NT5DC3: variants seen among roughly 807,000 people sequenced by gnomAD.
NT5DC3 encodes the protein 5'-nucleotidase domain containing 3.
NT5DC3 carries 42 observed loss-of-function variants against 67.8 expected under a neutral mutation model. That is an observed-to-expected ratio of 0.62 (90% CI 0.48 to 0.80). The LOEUF is 0.80. NT5DC3 is among the 30% of genes least tolerant of loss of function. The probability of loss-of-function intolerance (pLI) is 0.00; values close to 1 mark genes in which losing one functional copy is unlikely to be tolerated. For missense variants in NT5DC3, 570 were observed against 696.4 expected (o/e 0.82, Z 2.04); for synonymous variants, 237 against 255.6 (o/e 0.93, Z 0.69).
At chr12:103,809,802 T>C (rs1043511149) in intron 2 of NT5DC3, among the ~76,000 whole-genome samples, 11 of 152,122 alleles carry the variant, frequency 7.2e-5, no homozygotes, top group African/African-American at 2.7e-4. Context: ...ACCATATCAA[T>C]GATCTTGAAA....
At chr12:103,796,298 C>T (rs1337617999) in intron 6 of NT5DC3, among the ~76,000 whole-genome samples, 1 of 152,138 alleles carries the variant, frequency 6.6e-6, no homozygotes, top group Non-Finnish European at 1.5e-5. Context: ...GGGAGGATCA[C>T]TTGAGGTTAG....
Position 103,789,067 on chromosome 12 carries a change from G to A in NT5DC3, c.1020-148C>T, listed in dbSNP as rs1389960043. ...CAAAACTCCACCATCATATTCCCTG[G>A]CCTAATTCAATGCGTCCCAAATTGT... On this transcript the variant is annotated intron_variant, in intron 9 of 13. Coordinates refer to ENST00000392876, the MANE Select transcript of NT5DC3 (RefSeq NM_001031701.3). 11 of 633,560 alleles carry A rather than the reference G, an allele frequency of 1.7e-5. No individual in the cohort carries two copies. The Admixed American group carries it at 2.4e-4, about 14-fold the overall frequency. The allele number at this position is 633,560 out of a possible 1,614,324, so 39.2% of individuals were successfully genotyped here. A position where few individuals can be genotyped will look rare whatever the true frequency, so the allele number is the denominator to read the frequency against.
At chr12:103,791,127 G>T (rs1339045618) in intron 9 of NT5DC3, among the ~76,000 whole-genome samples, 2 of 152,258 alleles carry the variant, frequency 1.3e-5, no homozygotes, top group East Asian at 3.9e-4. Context: ...AATACAGATG[G>T]AGAATTATTC....
the NT5DC3 span, chr12:103,761,469 C>A: frequency 1.4e-6 from 2 of 1,451,774 alleles, no homozygotes; most frequent in Non-Finnish European, 1.9e-6. Flanking sequence ...CACTCACCAA[C>A]AGGCAAACCA....
At chr12:103,809,398 GCC>G (rs1400773569) in intron 2 of NT5DC3, among the ~76,000 whole-genome samples, 1 of 152,176 alleles carries the variant, frequency 6.6e-6, no homozygotes. Flanking sequence ...TTCTTGGGGA[GCC>G]ACTCCTGAGA....
At chr12:103,765,337 T>C in the NT5DC3 span, among the ~76,000 whole-genome samples, 1 of 152,262 alleles carries the variant, frequency 6.6e-6, no homozygotes, top group Admixed American at 6.5e-5. Context: ...AAACCTACTA[T>C]TCAGACTACA....
chr12:103,769,855 C>T (rs1348772585), downstream of NT5DC3, among the ~76,000 whole-genome samples: 1 of 152,212 alleles, frequency 6.6e-6, no homozygotes, highest in Admixed American at 6.5e-5. Context: ...GCTAGAATTA[C>T]CTTAGAAGAA....
At chr12:103,812,099 AAAAAATTTCCATTTTTGT>A (rs1887058409) in intron 2 of NT5DC3, among the ~76,000 whole-genome samples, 1 of 152,316 alleles carries the variant, frequency 6.6e-6, no homozygotes, top group Admixed American at 6.5e-5. Flanking sequence ...TCAATTTTTA[AAAAAATTTCCATTTTTGT>A]AAAAATTGCT....
chr12:103,822,320 A>T (rs192757512), intron 1 of NT5DC3, among the ~76,000 whole-genome samples: 114 of 152,306 alleles, frequency 7.5e-4, no homozygotes, highest in African/African-American at 2.5e-3. Flanking sequence ...TAGACCAAAA[A>T]ATTGAAAAGA....
chr12:103,750,845 C>T, the NT5DC3 span: 1 of 1,294,376 alleles, frequency 7.7e-7, no homozygotes, highest in Non-Finnish European at 1.0e-6. Context: ...AATCCCAATA[C>T]TTTGGGAGGC....
the NT5DC3 span, among the ~76,000 whole-genome samples, chr12:103,749,856 A>C: frequency 6.7e-6 from 1 of 148,252 alleles, no homozygotes; most frequent in African/African-American, 2.5e-5. Context: ...AAAAAAAAAA[A>C]AAAAAAAAAA....
chr12:103,766,444 G>T, downstream of NT5DC3: 1 of 1,289,570 alleles, frequency 7.8e-7, no homozygotes. Flanking sequence ...TAAGCACTCA[G>T]AAGCCATACC....
chr12:103,755,585 G>T, the NT5DC3 span: 1 of 1,613,620 alleles, frequency 6.2e-7, no homozygotes, highest in African/African-American at 1.3e-5. Flanking sequence ...TTACTTGTGT[G>T]GGACCCTGTG....
the NT5DC3 span, among the ~76,000 whole-genome samples, chr12:103,752,914 GA>G: frequency 6.6e-6 from 1 of 152,090 alleles, no homozygotes; most frequent in African/African-American, 2.4e-5. Flanking sequence ...ATTCTAGAAG[GA>G]AATGCACCAA....
the NT5DC3 span, among the ~76,000 whole-genome samples, chr12:103,752,237 C>T: frequency 6.6e-6 from 1 of 152,138 alleles, no homozygotes; most frequent in South Asian, 2.1e-4. Context: ...TATACATCTA[C>T]TCAAATTCAT....
chr12:103,835,833 C>A (rs555350783), intron 1 of NT5DC3, among the ~76,000 whole-genome samples: 2 of 152,158 alleles, frequency 1.3e-5, no homozygotes, highest in South Asian at 4.1e-4. Context: ...TCCATTTTCA[C>A]GCTGCTGATA....
chr12:103,756,445 C>T, the NT5DC3 span, among the ~76,000 whole-genome samples: 1 of 151,448 alleles, frequency 6.6e-6, no homozygotes, highest in Non-Finnish European at 1.5e-5. Context: ...TCCCCAAACC[C>T]TCAGATAGCA....
rs542995179 is a variant in NT5DC3, at chr12:103,792,647, C to T, written c.1019+517G>A. On this transcript the variant is annotated intron_variant, in intron 9 of 13. Transcript: ENST00000392876. ...GTCCCTGTCACAACCTAAAACTTAC[C>T]TGCTTCCCCATTCCCACGGCTACAG... is the stretch of plus-strand genomic sequence containing the variant. 2.6e-5 allele frequency among the ~76,000 whole-genome samples: 4 copies of T among 152,280 alleles called. No homozygotes were observed. The East Asian group carries it at 5.8e-4, about 22-fold the overall frequency.
chr12:103,778,778 C>G (rs551581883), intron 13 of NT5DC3, among the ~76,000 whole-genome samples: 5 of 152,214 alleles, frequency 3.3e-5, no homozygotes, highest in South Asian at 4.2e-4. Flanking sequence ...TGCACTCCAG[C>G]CTGGGTGACA....
Sources: allele counts gnomAD v4.1 joint callset (sites outside exome capture counted in the v4.1 genomes callset), GRCh38; gene constraint gnomAD v4.1.1; transcripts MANE v1.5; gene names NCBI Gene and HGNC (gene_info 2026-07-23, HGNC 2026-07-21).